DAB1: variants seen among roughly 807,000 people sequenced by gnomAD.
The protein encoded by DAB1 is DAB adaptor protein 1.
A neutral mutation model predicts 64.6 loss-of-function variants in DAB1; 15 were observed. That is an observed-to-expected ratio of 0.23 (90% CI 0.16 to 0.36). The LOEUF is 0.36. Among genes scored for constraint, DAB1 ranks in the 10% least tolerant of loss-of-function variants. DAB1 has a pLI of 1.00. For missense variants in DAB1, 596 were observed against 706.7 expected, an observed-to-expected ratio of 0.84 and a Z score of 1.78; for synonymous variants, 235 against 251.9, an observed-to-expected ratio of 0.93 and a Z score of 0.64.
chr1:57,182,318 C>G (rs1162119058), intron 2 of DAB1, among the ~76,000 whole-genome samples: 1 of 152,176 alleles, frequency 6.6e-6, no homozygotes, highest in Non-Finnish European at 1.5e-5. Context: ...TGTATGTTAT[C>G]AGTAATGCTC....
At chr1:57,861,700 GT>G (rs1654042530) in intron 1 of DAB1, among the ~76,000 whole-genome samples, 2 of 150,566 alleles carry the variant, frequency 1.3e-5, no homozygotes. Context: ...TAATAGAATA[GT>G]TTTTAAGTGC....
At chr1:58,488,679 C>T (rs1262128022) in intron 3 of DAB1, among the ~76,000 whole-genome samples, 4 of 152,052 alleles carry the variant, frequency 2.6e-5, no homozygotes, top group Non-Finnish European at 4.4e-5. Context: ...CTTGAACTCC[C>T]GACCTCAGGT....
At chr1:58,244,305 T>A (rs1660437317) in intron 4 of DAB1, among the ~76,000 whole-genome samples, 1 of 152,184 alleles carries the variant, frequency 6.6e-6, no homozygotes, top group Admixed American at 6.6e-5. Flanking sequence ...GCTGAGGAAT[T>A]CTAGGATCTT....
At chr1:58,100,894 C>T (rs149691889) in intron 5 of DAB1, among the ~76,000 whole-genome samples, 76 of 152,162 alleles carry the variant, frequency 5.0e-4, no homozygotes, top group African/African-American at 1.7e-3. Context: ...CCAAAAGAGT[C>T]GGGTAAGGTC....
intron 1 of DAB1, among the ~76,000 whole-genome samples, chr1:58,540,642 A>G (rs530797600): frequency 6.0e-5 from 9 of 150,684 alleles, no homozygotes; most frequent in Non-Finnish European, 8.8e-5. Flanking sequence ...CATTGTAGAA[A>G]TAAAGATTTG....
intron 5 of DAB1, among the ~76,000 whole-genome samples, chr1:58,136,175 T>C (rs1261849604): frequency 1.3e-5 from 2 of 152,206 alleles, no homozygotes; most frequent in Non-Finnish European, 2.9e-5. Context: ...AAAGGTCCCC[T>C]GTTAATAGTG....
At chr1:58,222,634 G>A (rs563044204) in intron 4 of DAB1, among the ~76,000 whole-genome samples, 5 of 152,256 alleles carry the variant, frequency 3.3e-5, no homozygotes, top group African/African-American at 1.2e-4. Context: ...GAGAAGTGAC[G>A]TGACTTGCCT....
At chr1:58,264,179 G>C (rs142998942) in intron 4 of DAB1, among the ~76,000 whole-genome samples, 1 of 152,216 alleles carries the variant, frequency 6.6e-6, no homozygotes, top group African/African-American at 2.4e-5. Flanking sequence ...TCATAGGGTT[G>C]TTGCAAGGTC....
chr1:58,107,357 G>A (rs564664642), intron 5 of DAB1, among the ~76,000 whole-genome samples: 33 of 149,268 alleles, frequency 2.2e-4, no homozygotes, highest in African/African-American at 7.6e-4. Flanking sequence ...TGTAATCCCC[G>A]CTACTCGGGA....
chr1:58,210,381 A>G (rs1375788177), intron 4 of DAB1, among the ~76,000 whole-genome samples: 2 of 152,226 alleles, frequency 1.3e-5, no homozygotes, highest in African/African-American at 4.8e-5. Flanking sequence ...CTGAATGCAA[A>G]TTGGAGGAAG....
rs539361889 is a variant in DAB1, at chr1:57,703,117, A to T, written n.552-53452T>A. Reference sequence around the variant, plus strand: ...GATAACTTAAGCAATACCATTCAGGATATAGACAAGGAAAAAGATTTTGTG... The same window carrying T: ...GATAACTTAAGCAATACCATTCAGGTTATAGACAAGGAAAAAGATTTTGTG... On this transcript the variant is annotated intron_variant and non_coding_transcript_variant, in intron 6 of 20. Coordinates refer to the DAB1 transcript ENST00000485760. Among the ~76,000 whole-genome samples the T allele has an allele frequency of 2.6e-5, 4 of 152,322 alleles. 1 individual carries two copies. In the South Asian group the frequency reaches 8.3e-4, roughly 32 times the overall value.
At chr1:57,522,171 AG>A (rs1644535853) in intron 7 of DAB1, among the ~76,000 whole-genome samples, 1 of 152,106 alleles carries the variant, frequency 6.6e-6, no homozygotes, top group Non-Finnish European at 1.5e-5. Context: ...TGGAGGCACT[AG>A]ATTCCAACAA....
At chr1:57,931,477 A>G (rs1644952408) in intron 5 of DAB1, among the ~76,000 whole-genome samples, 1 of 152,236 alleles carries the variant, frequency 6.6e-6, no homozygotes, top group Non-Finnish European at 1.5e-5. Flanking sequence ...GAATCCATCT[A>G]GGCCTGGTCC....
intron 3 of DAB1, among the ~76,000 whole-genome samples, chr1:58,393,027 T>G (rs906782358): frequency 6.6e-6 from 1 of 152,056 alleles, no homozygotes; most frequent in African/African-American, 2.4e-5. Flanking sequence ...GCTGTGGCTA[T>G]CTCATCATCT....
intron 1 of DAB1, among the ~76,000 whole-genome samples, chr1:58,533,718 C>T (rs559658795): frequency 1.4e-3 from 214 of 152,068 alleles, no homozygotes; most frequent in Non-Finnish European, 2.6e-3. Context: ...GCAAAAGAGA[C>T]AGGTGATAAA....
intron 3 of DAB1, among the ~76,000 whole-genome samples, chr1:58,401,277 T>A (rs1427295831): frequency 6.6e-6 from 1 of 152,208 alleles, no homozygotes; most frequent in Non-Finnish European, 1.5e-5. Flanking sequence ...TGACCTCGTC[T>A]TCTGCTCCCA....
chr1:57,721,637 T>G (rs1394332897), intron 6 of DAB1, among the ~76,000 whole-genome samples: 1 of 152,136 alleles, frequency 6.6e-6, no homozygotes, highest in African/African-American at 2.4e-5. Flanking sequence ...GAATCCAGGC[T>G]CTTAGCCACT....
intron 1 of DAB1, among the ~76,000 whole-genome samples, chr1:57,346,979 A>G (rs1349099376): frequency 6.6e-6 from 1 of 152,202 alleles, no homozygotes; most frequent in African/African-American, 2.4e-5. Flanking sequence ...AAGCTTACGT[A>G]CTGGTGGAGA....
At chr1:58,371,124 G>A (rs1477896197) in intron 3 of DAB1, among the ~76,000 whole-genome samples, 2 of 152,184 alleles carry the variant, frequency 1.3e-5, no homozygotes. Flanking sequence ...GAACTTCCTA[G>A]AGACTTTTTG....
Sources: gnomAD v4.1 joint callset for allele counts (sites outside exome capture counted in the v4.1 genomes callset) on GRCh38, gnomAD v4.1.1 for gene constraint, MANE v1.5 for transcripts, NCBI Gene and HGNC (gene_info 2026-07-23, HGNC 2026-07-21) for gene names.